MCMBP: variants seen among roughly 807,000 people sequenced by gnomAD.
MCMBP encodes minichromosome maintenance complex binding protein.
Under a neutral mutation model 81.3 loss-of-function variants are expected in MCMBP, and 31 were observed. That is an observed-to-expected ratio of 0.38 (90% CI 0.29 to 0.51). The LOEUF (loss-of-function observed/expected upper bound fraction) is 0.51, where lower values mean the gene tolerates loss of function less well. MCMBP is among the 20% of genes least tolerant of loss of function. The probability of loss-of-function intolerance (pLI) is 0.87; values close to 1 mark genes in which losing one functional copy is unlikely to be tolerated. For missense variants in MCMBP, 645 were observed against 772.1 expected, an observed-to-expected ratio of 0.84 and a Z score of 1.95; for synonymous variants, 267 against 275.9, an observed-to-expected ratio of 0.97 and a Z score of 0.32.
chr10:119,858,737 C>G (rs1226400262), intron 4 of MCMBP, 147 bp downstream of exon 4: 1 of 675,472 alleles, frequency 1.5e-6, no homozygotes, highest in East Asian at 2.8e-5. Flanking sequence ...ACATCAAACT[C>G]CTAAATAAAA....
rs973574709 is a variant in MCMBP at position 119,829,679 on chromosome 10, T to A, written c.*1795A>T. ...GCAGGAAGGTCCCTCTTGCACCACCTCCTCCACTTCAGTTCAGCTCTCTCA... is the reference window on the plus strand; with the variant it reads ...GCAGGAAGGTCCCTCTTGCACCACCACCTCCACTTCAGTTCAGCTCTCTCA... On this transcript the variant is annotated 3_prime_UTR_variant, in exon 16 of 16. Coordinates refer to ENST00000369077, the MANE Select transcript of MCMBP (RefSeq NM_001256378.2). 6.6e-6 allele frequency: 1 copy of A among 152,230 alleles called. No individual in the cohort carries two copies. Among genetic ancestry groups the A allele is most frequent in the East Asian group, 1.9e-4 (1 of 5,200 alleles). 9.4% of individuals were successfully genotyped at this position (152,230 alleles called of 1,614,324 possible). A position where few individuals can be genotyped will look rare whatever the true frequency, so the allele number is the denominator to read the frequency against.
At chr10:119,848,115 C>T (rs1488128978) in intron 7 of MCMBP, among the ~76,000 whole-genome samples, 2 of 150,316 alleles carry the variant, frequency 1.3e-5, no homozygotes, top group Admixed American at 1.3e-4. Flanking sequence ...TCATAAACTG[C>T]AACATCGGAT....
chr10:119,872,753 C>T lies in MCMBP; in HGVS notation c.-169G>A. 5.1e-6 allele frequency: 1 copy of T among 196,266 alleles called. No homozygotes were observed. The highest frequency in any genetic ancestry group is 6.1e-5 in the Admixed American group (1 of 16,304). 12.2% of individuals were successfully genotyped at this position (196,266 alleles called of 1,614,324 possible). A position where few individuals can be genotyped will look rare whatever the true frequency, so the allele number is the denominator to read the frequency against. On this transcript the variant is annotated 5_prime_UTR_variant, in exon 1 of 16. Coordinates refer to ENST00000369077, the MANE Select transcript of MCMBP (RefSeq NM_001256378.2). ...CGCGGGGCGCGGGCCTCCCGCGCCTCAGGGAGCGGCGGCTGCGGTGGGGCC... is the reference window on the plus strand; with the variant it reads ...CGCGGGGCGCGGGCCTCCCGCGCCTTAGGGAGCGGCGGCTGCGGTGGGGCC...
At chr10:119,868,652 C>T (rs1853558679) in intron 1 of MCMBP, among the ~76,000 whole-genome samples, 1 of 152,146 alleles carries the variant, frequency 6.6e-6, no homozygotes, top group Non-Finnish European at 1.5e-5. Flanking sequence ...ACTTCCGAAA[C>T]AAGGAATTTC....
chr10:119,843,537 C>T (rs80070929), intron 8 of MCMBP, 111 bp from the exon 9 acceptor site: 1 of 987,086 alleles, frequency 1.0e-6, no homozygotes, highest in East Asian at 2.7e-5. Flanking sequence ...ATATTTCCAC[C>T]TGTACATCTC....
Position 119,830,348 on chromosome 10 carries a change from T to G in MCMBP, c.*1126A>C, listed in dbSNP as rs1851969780. 6.6e-6 allele frequency: 1 copy of G among 152,366 alleles called. No homozygotes were observed. Among genetic ancestry groups the G allele is most frequent in the Admixed American group, 6.5e-5 (1 of 15,288 alleles). 9.4% of individuals were successfully genotyped at this position (152,366 alleles called of 1,614,324 possible). A position where few individuals can be genotyped will look rare whatever the true frequency, so the allele number is the denominator to read the frequency against. On this transcript the variant is annotated 3_prime_UTR_variant, in exon 16 of 16. Coordinates refer to ENST00000369077, the MANE Select transcript of MCMBP (RefSeq NM_001256378.2). ...TAACCATGCTACTACAGTCTGTTGTTAGTTTGCTCTATTAAAACTAATTGG... is the reference window on the plus strand; with the variant it reads ...TAACCATGCTACTACAGTCTGTTGTGAGTTTGCTCTATTAAAACTAATTGG...
At chr10:119,832,234 A>G in intron 14 of MCMBP, 134 bp from the exon 15 acceptor site, 1 of 606,512 alleles carries the variant, frequency 1.6e-6, no homozygotes, top group Non-Finnish European at 2.8e-6. Context: ...AAAGTACCAA[A>G]GCATATACAT....
Position 119,830,082 on chromosome 10 carries a change from T to C in MCMBP, c.*1392A>G, listed in dbSNP as rs1270396898. ...TATAAACATTATTTACATTTGTTTA[T>C]AAAAATAGATTTGAGTTTAGGAAAA... On this transcript the variant is annotated 3_prime_UTR_variant, in exon 16 of 16. Transcript: ENST00000369077. 6.6e-6 allele frequency: 1 copy of C among 152,652 alleles called. No individual in the cohort carries two copies. Among genetic ancestry groups the C allele is most frequent in the Non-Finnish European group, 1.5e-5 (1 of 68,044 alleles). 9.5% of individuals were successfully genotyped at this position (152,652 alleles called of 1,614,324 possible). A position where few individuals can be genotyped will look rare whatever the true frequency, so the allele number is the denominator to read the frequency against.
intron 5 of MCMBP, among the ~76,000 whole-genome samples, chr10:119,854,640 C>T (rs769517595): frequency 3.3e-5 from 5 of 151,664 alleles, no homozygotes; most frequent in Non-Finnish European, 5.9e-5. Flanking sequence ...GAATTCGTCA[C>T]CAACAGATCT....
intron 13 of MCMBP, 51 bp from the exon 14 acceptor site, chr10:119,835,755 C>A (rs1564870193): frequency 6.3e-7 from 1 of 1,585,116 alleles, no homozygotes. Context: ...AATTAATCTA[C>A]ATTTTTAAAG....
intron 9 of MCMBP, 75 bp downstream of exon 9, chr10:119,843,179 A>G (rs1456656266): frequency 1.3e-6 from 2 of 1,521,890 alleles, no homozygotes; most frequent in Non-Finnish European, 1.8e-6. Context: ...TTCCACTATG[A>G]GCACGTTACA....
intron 1 of MCMBP, among the ~76,000 whole-genome samples, chr10:119,863,155 G>C (rs1028124949): frequency 2.6e-5 from 4 of 151,808 alleles, no homozygotes; most frequent in African/African-American, 9.7e-5. Flanking sequence ...TTTTAATTTT[G>C]ATGAAGCCCA....
chr10:119,844,186 A>C (rs1852539141), intron 8 of MCMBP, among the ~76,000 whole-genome samples: 1 of 152,140 alleles, frequency 6.6e-6, no homozygotes. Flanking sequence ...GTTTTTCCTA[A>C]ATTTAATTCT....
In MCMBP at chr10:119,832,042, T is replaced by G. The variant is rs564952892; in HGVS notation, c.1766A>C (p.Asp589Ala). The G allele has an allele frequency of 8.7e-6, 14 of 1,613,156 alleles. No individual in the cohort carries two copies. The highest frequency in any genetic ancestry group is 1.3e-5 in the African/African-American group (1 of 74,972). Residue 589 changes from aspartate to alanine, a missense_variant, in exon 15 of 16, where the codon GAT becomes GCT. Physicochemically the swap from Asp to Ala is moderately radical, Grantham distance 126. Transcript: ENST00000369077. ...RKNDPQSITA[D>A]DLHQLLVVAR... ...CACCACGAGCAGCTGGTGAAGATCA[T>G]CAGCAGTGATGCTCTGAGGGTCGTT... is the stretch of plus-strand genomic sequence containing the variant.
At chr10:119,844,318 T>A (rs1323315987) in intron 8 of MCMBP, among the ~76,000 whole-genome samples, 1 of 152,240 alleles carries the variant, frequency 6.6e-6, no homozygotes, top group Non-Finnish European at 1.5e-5. Flanking sequence ...ATCTTTTAGA[T>A]CTTGACTTTA....
In MCMBP at chr10:119,838,554, CT is replaced by C. The variant is rs1159275580; in HGVS notation, c.1388del (p.Gln463ArgfsTer12). On this transcript the variant is annotated frameshift_variant, in exon 12 of 16. Transcript: ENST00000369077. LOFTEE classifies it high-confidence loss of function. ...ACGTACCTGGGGTATCCAGCTGCCC[CT>C]GTTCCAGGAGAGTCTCATCGATTAC... ...SLVIDETLLE[Q>X]GQLDTPGVHN... The C allele has an allele frequency of 6.2e-7, 1 of 1,613,844 alleles. No homozygotes were observed. Among genetic ancestry groups the C allele is most frequent in the Non-Finnish European group, 8.5e-7 (1 of 1,179,938 alleles).
At chr10:119,856,462 A>G (rs1429063635) in intron 5 of MCMBP, among the ~76,000 whole-genome samples, 1 of 152,238 alleles carries the variant, frequency 6.6e-6, no homozygotes, top group Non-Finnish European at 1.5e-5. Context: ...ACTATATATT[A>G]TATGAGTCCA....
chr10:119,859,267 C>T, intron 2 of MCMBP, 86 bp from the exon 3 acceptor site: 1 of 1,119,996 alleles, frequency 8.9e-7, no homozygotes, highest in Non-Finnish European at 1.3e-6. Flanking sequence ...TATCCAGACT[C>T]AAACTGTTAC....
At chr10:119,862,699 A>G (rs12779784) in intron 1 of MCMBP, among the ~76,000 whole-genome samples, 8,402 of 152,280 alleles carry the variant, frequency 0.055, 426 homozygotes, top group South Asian at 0.27. Context: ...CTCTAGAATG[A>G]GTATCTAGAT....
Sources: gnomAD v4.1 joint callset for allele counts (sites outside exome capture counted in the v4.1 genomes callset) on GRCh38, gnomAD v4.1.1 for gene constraint, MANE v1.5 for transcripts, NCBI Gene and HGNC (gene_info 2026-07-23, HGNC 2026-07-21) for gene names.